LIX1: variants seen among roughly 807,000 people sequenced by gnomAD.
LIX1 encodes the protein protein limb expression 1 homolog.
Under a neutral mutation model 33.4 loss-of-function variants are expected in LIX1, and 24 were observed. The observed-to-expected ratio is 0.72, with a 90% CI of 0.52 to 1.01. The LOEUF (loss-of-function observed/expected upper bound fraction) is 1.01, where lower values mean the gene tolerates loss of function less well. Ranked by LOEUF, LIX1 falls within the 50% of genes least tolerant of loss-of-function variation. The pLI, the probability that LIX1 is intolerant of heterozygous loss-of-function variation, is 0.00. For missense variants in LIX1, 311 were observed against 339.2 expected (o/e 0.92, Z 0.65); for synonymous variants, 124 against 124.0 (o/e 1.00, Z 0.00).
chr5:97,132,504 A>G lies in LIX1; in HGVS notation c.83-7875T>C, dbSNP rs450399. Reference sequence around the variant, plus strand: ...TGGGTGAAGGGAGAGAAATAATGATACTCCCATTGAGGAACTGTGTAGGGA... The same window carrying G: ...TGGGTGAAGGGAGAGAAATAATGATGCTCCCATTGAGGAACTGTGTAGGGA... On this transcript the variant is annotated intron_variant, in intron 1 of 5. Transcript: ENST00000274382. Among the ~76,000 whole-genome samples the G allele has an allele frequency of 8.6e-3, 1,304 of 151,782 alleles. 8 individuals carry two copies. Among genetic ancestry groups the G allele is most frequent in the Non-Finnish European group, 0.015 (986 of 67,924 alleles).
intron 4 of LIX1, among the ~76,000 whole-genome samples, chr5:97,099,024 T>C (rs1746535160): frequency 6.6e-6 from 1 of 152,184 alleles, no homozygotes; most frequent in African/African-American, 2.4e-5. Context: ...AAACCACTTG[T>C]GTCTGCTAAT....
At chr5:97,131,951 T>C (rs1748065084) in intron 1 of LIX1, among the ~76,000 whole-genome samples, 1 of 152,190 alleles carries the variant, frequency 6.6e-6, no homozygotes, top group Admixed American at 6.5e-5. Context: ...AGAAATGTGG[T>C]TGCTGGCTGC....
chr5:97,123,476 A>G (rs545922737), intron 2 of LIX1, among the ~76,000 whole-genome samples: 8 of 152,310 alleles, frequency 5.3e-5, no homozygotes, highest in Non-Finnish European at 8.8e-5. Context: ...TTTCATTCCT[A>G]GTGAAGTCCC....
At chr5:97,097,396 G>A (rs948743817) in intron 4 of LIX1, among the ~76,000 whole-genome samples, 2 of 152,198 alleles carry the variant, frequency 1.3e-5, no homozygotes, top group African/African-American at 4.8e-5. Context: ...ATTCTATGAT[G>A]TGTTAAAATA....
intron 3 of LIX1, among the ~76,000 whole-genome samples, chr5:97,105,919 C>G (rs1417723629): frequency 6.6e-6 from 1 of 152,174 alleles, no homozygotes; most frequent in East Asian, 1.9e-4. Flanking sequence ...TTGGGCCAGC[C>G]CTTCCGTATC....
intron 1 of LIX1, chr5:97,137,060 A>G: frequency 2.3e-6 from 1 of 432,308 alleles, no homozygotes; most frequent in South Asian, 1.7e-5. Context: ...CATAATCAGT[A>G]AAACCGTGTC....
intron 1 of LIX1, among the ~76,000 whole-genome samples, chr5:97,127,267 G>A (rs1371597242): frequency 6.6e-6 from 1 of 152,200 alleles, no homozygotes; most frequent in Non-Finnish European, 1.5e-5. Flanking sequence ...GATAGTCTAG[G>A]TAAAATGCAT....
chr5:97,128,275 T>C lies in LIX1; in HGVS notation c.83-3646A>G, dbSNP rs138509619. ...TTCCTGGTTTTCAGTCCTTATTTACTTGACTTCTTAGCTGTGTTTGATAAA... is the reference window on the plus strand; with the variant it reads ...TTCCTGGTTTTCAGTCCTTATTTACCTGACTTCTTAGCTGTGTTTGATAAA... On this transcript the variant is annotated intron_variant, in intron 1 of 5. Coordinates refer to ENST00000274382, the MANE Select transcript of LIX1 (RefSeq NM_153234.5). 3.3e-5 allele frequency among the ~76,000 whole-genome samples: 5 copies of C among 152,342 alleles called. No homozygotes were observed. The East Asian group carries it at 9.6e-4, about 29-fold the overall frequency.
chr5:97,114,164 A>C (rs1477745658), intron 2 of LIX1, among the ~76,000 whole-genome samples: 1 of 152,190 alleles, frequency 6.6e-6, no homozygotes, highest in East Asian at 1.9e-4. Context: ...TCAGCATTCC[A>C]AGAAGTATTG....
intron 2 of LIX1, among the ~76,000 whole-genome samples, chr5:97,120,639 A>G (rs1747754761): frequency 1.3e-5 from 2 of 152,124 alleles, no homozygotes; most frequent in Non-Finnish European, 2.9e-5. Context: ...TGAGTATGGG[A>G]ATGGTTAGAA....
chr5:97,142,370 A>C, intron 1 of LIX1, 125 bp downstream of exon 1: 1 of 649,872 alleles, frequency 1.5e-6, no homozygotes, highest in Non-Finnish European at 2.7e-6. Flanking sequence ...ACAAGTTAAA[A>C]TATCACTTAG....
At chr5:97,110,914 A>T (rs1487158211) in intron 2 of LIX1, among the ~76,000 whole-genome samples, 1 of 152,118 alleles carries the variant, frequency 6.6e-6, no homozygotes. Flanking sequence ...TCTAAGTTTT[A>T]GGCAACTTGT....
chr5:97,139,759 A>G (rs529573906), intron 1 of LIX1, among the ~76,000 whole-genome samples: 107 of 152,298 alleles, frequency 7.0e-4, no homozygotes, highest in African/African-American at 2.5e-3. Context: ...ACCTCTTTCC[A>G]TTATTTTTCA....
At position 97,093,741 on chromosome 5, in the gene LIX1, T is replaced by G. The variant is rs1410513062; in HGVS notation, c.*1007A>C. The G allele has an allele frequency of 2.0e-5, 3 of 152,086 alleles. No individual in the cohort carries two copies. The highest frequency in any genetic ancestry group is 7.3e-5 in the African/African-American group (3 of 41,356). The allele number at this position is 152,086 out of a possible 1,614,324, so 9.4% of individuals were successfully genotyped here. ...ATCCTTCCTTTAAAGAAGATTCCAG[T>G]GACTTAAACTTAATAATGATACTAC... is the stretch of plus-strand genomic sequence containing the variant. On this transcript the variant is annotated 3_prime_UTR_variant, in exon 6 of 6. Transcript: ENST00000274382.
chr5:97,103,975 A>G (rs1404393707), intron 4 of LIX1, among the ~76,000 whole-genome samples: 1 of 147,220 alleles, frequency 6.8e-6, no homozygotes, highest in Non-Finnish European at 1.5e-5. Flanking sequence ...AAAAAAGAAA[A>G]AAAAAAAAAA....
At chr5:97,109,048 T>C (rs1286310810) in intron 2 of LIX1, among the ~76,000 whole-genome samples, 1 of 152,080 alleles carries the variant, frequency 6.6e-6, no homozygotes, top group Non-Finnish European at 1.5e-5. Context: ...GCTCCAGACT[T>C]ATGCTCTCGT....
At chr5:97,117,813 T>C (rs954424900) in intron 2 of LIX1, among the ~76,000 whole-genome samples, 2 of 152,086 alleles carry the variant, frequency 1.3e-5, no homozygotes, top group Admixed American at 1.3e-4. Flanking sequence ...ATGAATTCAT[T>C]GCCTTTTAGA....
rs531100053 is a variant in LIX1, at chr5:97,119,129, A to G, written c.246+5337T>C. On this transcript the variant is annotated intron_variant, in intron 2 of 5. Coordinates refer to ENST00000274382, the MANE Select transcript of LIX1 (RefSeq NM_153234.5). The stretch of plus-strand genomic sequence containing the variant: ...TGAAACCAGAGGGATTAGTCCCACA[A>G]TCCAGTCCCATACTCCACTTCAAGT... Among the ~76,000 whole-genome samples the G allele has an allele frequency of 3.3e-5, 5 of 152,324 alleles. No individual in the cohort carries two copies. The East Asian group carries it at 7.7e-4, about 23-fold the overall frequency.
chr5:97,127,700 T>G (rs1747964201), intron 1 of LIX1, among the ~76,000 whole-genome samples: 1 of 152,238 alleles, frequency 6.6e-6, no homozygotes, highest in South Asian at 2.1e-4. Context: ...CAAGAGCTGC[T>G]GAAGAAAATC....
Sources: allele counts gnomAD v4.1 joint callset (sites outside exome capture counted in the v4.1 genomes callset), GRCh38; gene constraint gnomAD v4.1.1; transcripts MANE v1.5; gene names NCBI Gene and HGNC (gene_info 2026-07-23, HGNC 2026-07-21).